The following SLC44A1 variants were observed in gnomAD, a reference collection of about 807,000 sequenced individuals.
SLC44A1 encodes the protein solute carrier family 44 member 1, also known as choline transporter-like protein 1.
Under a neutral mutation model 79.3 loss-of-function variants are expected in SLC44A1, and 26 were observed. That is an observed-to-expected ratio of 0.33 (90% CI 0.24 to 0.46). SLC44A1 has a LOEUF of 0.46. Among genes scored for constraint, SLC44A1 ranks in the 20% least tolerant of loss-of-function variants. The pLI is 1.00. For synonymous variants in SLC44A1, 263 were observed against 286.2 expected, an observed-to-expected ratio of 0.92 and a Z score of 0.82; for missense variants, 688 against 798.1, an observed-to-expected ratio of 0.86 and a Z score of 1.66.
intron 15 of SLC44A1, among the ~76,000 whole-genome samples, chr9:105,421,613 T>C (rs1829250583): frequency 6.6e-6 from 1 of 150,724 alleles, no homozygotes; most frequent in Non-Finnish European, 1.5e-5. Context: ...GAGACAGAGT[T>C]TCCATCTGTC....
At chr9:105,287,834 A>G (rs1195797211) in intron 1 of SLC44A1, among the ~76,000 whole-genome samples, 1 of 152,222 alleles carries the variant, frequency 6.6e-6, no homozygotes, top group Admixed American at 6.5e-5. Flanking sequence ...CATTCTCAGC[A>G]TACAGCTTTC....
intron 3 of SLC44A1, among the ~76,000 whole-genome samples, chr9:105,327,360 G>A (rs772526381): frequency 3.3e-5 from 5 of 152,076 alleles, no homozygotes; most frequent in Non-Finnish European, 5.9e-5. Flanking sequence ...TCAACTCACT[G>A]CAACCTCCAC....
intron 1 of SLC44A1, among the ~76,000 whole-genome samples, chr9:105,270,418 A>G (rs1830051546): frequency 6.6e-6 from 1 of 152,122 alleles, no homozygotes; most frequent in African/African-American, 2.4e-5. Flanking sequence ...TTCAGACTCC[A>G]CATCCTCTCC....
intron 13 of SLC44A1, among the ~76,000 whole-genome samples, chr9:105,375,395 T>C (rs1310567782): frequency 6.6e-6 from 1 of 152,216 alleles, no homozygotes; most frequent in African/African-American, 2.4e-5. Flanking sequence ...TCCAGGTTAG[T>C]GGTACTGCAA....
At chr9:105,375,217 AT>A (rs1828240755) in intron 13 of SLC44A1, among the ~76,000 whole-genome samples, 1 of 152,022 alleles carries the variant, frequency 6.6e-6, no homozygotes, top group African/African-American at 2.4e-5. Context: ...TTTTTGTATT[AT>A]TAGTAGAGAC....
chr9:105,246,131 G>A (rs1829439726), intron 1 of SLC44A1, among the ~76,000 whole-genome samples: 4 of 152,154 alleles, frequency 2.6e-5, no homozygotes, highest in Admixed American at 2.6e-4. Context: ...AGGATGGTTG[G>A]TTCTTGGTGA....
At chr9:105,384,390 A>G (rs554258442) in intron 14 of SLC44A1, among the ~76,000 whole-genome samples, 134 of 152,234 alleles carry the variant, frequency 8.8e-4, no homozygotes, top group Non-Finnish European at 1.7e-3. Flanking sequence ...CATGTTGGCC[A>G]GGCCGGTCTT....
chr9:105,323,867 T>C (rs1826478269), intron 3 of SLC44A1, among the ~76,000 whole-genome samples: 1 of 152,226 alleles, frequency 6.6e-6, no homozygotes, highest in African/African-American at 2.4e-5. Flanking sequence ...TTCAGAGTAA[T>C]TCTAAACTTT....
chr9:105,304,221 C>T (rs1830957043), intron 2 of SLC44A1, among the ~76,000 whole-genome samples: 1 of 152,068 alleles, frequency 6.6e-6, no homozygotes, highest in African/African-American at 2.4e-5. Context: ...ATGTTTCTAC[C>T]TCATTAACTA....
intron 1 of SLC44A1, among the ~76,000 whole-genome samples, chr9:105,261,020 A>G (rs1450754560): frequency 2.0e-5 from 3 of 152,338 alleles, no homozygotes; most frequent in African/African-American, 4.8e-5. Context: ...TGTCAAGATT[A>G]TGGTTAAAAC....
At chr9:105,308,737 T>C (rs1411015200) in intron 2 of SLC44A1, among the ~76,000 whole-genome samples, 3 of 152,234 alleles carry the variant, frequency 2.0e-5, no homozygotes, top group Non-Finnish European at 4.4e-5. Context: ...AATGATAGTC[T>C]CTGCCTTCTT....
Position 105,391,891 on chromosome 9 carries a change from G to A in SLC44A1, c.*2835G>A. The stretch of plus-strand genomic sequence containing the variant: ...ACTGTATTCAGGACTCATATTTCTA[G>A]AGTTTTAATTGGGGTCCTCTATTGT... On this transcript the variant is annotated 3_prime_UTR_variant, in exon 16 of 16. Transcript: ENST00000374720. 1.0e-6 allele frequency: 1 copy of A among 985,326 alleles called. No individual in the cohort carries two copies. The highest frequency in any genetic ancestry group is 1.2e-6 in the Non-Finnish European group (1 of 829,906). 61.0% of individuals were successfully genotyped at this position (985,326 alleles called of 1,614,324 possible).
intron 8 of SLC44A1, among the ~76,000 whole-genome samples, chr9:105,362,065 C>CGT (rs1482564036): frequency 2.0e-5 from 3 of 151,744 alleles, no homozygotes; most frequent in African/African-American, 7.3e-5. Flanking sequence ...TGTGTGTGCG[C>CGT]GCGCGCGCGT....
chr9:105,388,795 G>A (rs533388779), intron 15 of SLC44A1, among the ~76,000 whole-genome samples: 2 of 152,284 alleles, frequency 1.3e-5, no homozygotes, highest in East Asian at 3.9e-4. Context: ...AAAAATCCTA[G>A]ACACTGTAGG....
At chr9:105,305,333 T>C (rs1290093655) in intron 2 of SLC44A1, among the ~76,000 whole-genome samples, 1 of 152,120 alleles carries the variant, frequency 6.6e-6, no homozygotes, top group Non-Finnish European at 1.5e-5. Context: ...TACATTTTTT[T>C]AAAAGTCTGG....
intron 1 of SLC44A1, among the ~76,000 whole-genome samples, chr9:105,296,594 C>T (rs957402292): frequency 2.6e-5 from 4 of 152,158 alleles, no homozygotes; most frequent in African/African-American, 9.7e-5. Flanking sequence ...ACAAATACAG[C>T]ATTTCAAAGT....
At chr9:105,360,466 A>G (rs140741171) in intron 7 of SLC44A1, among the ~76,000 whole-genome samples, 36 of 152,272 alleles carry the variant, frequency 2.4e-4, no homozygotes, top group Middle Eastern at 3.4e-3. Flanking sequence ...TTACTGTTCT[A>G]TCTCCAGCTA....
At chr9:105,387,013 T>C (rs1156552819) in intron 15 of SLC44A1, among the ~76,000 whole-genome samples, 1 of 89,762 alleles carries the variant, frequency 1.1e-5, no homozygotes, top group African/African-American at 4.2e-5. Flanking sequence ...CATTCCAGCC[T>C]GGGCGACAGA....
Position 105,389,678 on chromosome 9 carries a change from C to T in SLC44A1, c.*622C>T. ...TTTGTCAGCCAACATTAAAAGGTAA[C>T]CAACTCCTCAGGTATTTGTAGTTTA... On this transcript the variant is annotated 3_prime_UTR_variant, in exon 16 of 16. Transcript: ENST00000374720. The T allele has an allele frequency of 2.4e-6, 3 of 1,235,230 alleles. No homozygotes were observed. The East Asian group carries it at 9.6e-5, about 40-fold the overall frequency. 76.5% of individuals were successfully genotyped at this position (1,235,230 alleles called of 1,614,324 possible).
Sources: gnomAD v4.1 joint callset for allele counts (sites outside exome capture counted in the v4.1 genomes callset) on GRCh38, gnomAD v4.1.1 for gene constraint, MANE v1.5 for transcripts, NCBI Gene and HGNC (gene_info 2026-07-23, HGNC 2026-07-21) for gene names.